The following DMXL1 variants were observed in gnomAD, a reference collection of about 807,000 sequenced individuals.
The protein encoded by DMXL1 is Dmx like 1.
In DMXL1, 99 loss-of-function variants were observed where a neutral mutation model predicts 319.2. The ratio of observed to expected loss-of-function variants is 0.31; its 90% CI spans 0.26 to 0.37. The LOEUF is 0.37. Ranked by LOEUF, DMXL1 falls within the 10% of genes least tolerant of loss-of-function variation. The pLI is 1.00. For synonymous variants in DMXL1, 1,385 were observed against 1,235.2 expected, an observed-to-expected ratio of 1.12 and a Z score of -2.54; for missense variants, 3,745 against 3,595.6, an observed-to-expected ratio of 1.04 and a Z score of -1.06.
intron 31 of DMXL1, 85 bp downstream of exon 31, chr5:119,196,541 G>A: frequency 2.2e-6 from 2 of 890,122 alleles, no homozygotes; most frequent in African/African-American, 1.7e-5. Flanking sequence ...TTTTGGTCTG[G>A]ACTGGGGGGA....
intron 7 of DMXL1, among the ~76,000 whole-genome samples, 190 bp downstream of exon 7, chr5:119,116,526 A>G (rs1760882841): frequency 6.6e-6 from 1 of 152,212 alleles, no homozygotes; most frequent in African/African-American, 2.4e-5. Flanking sequence ...TTAGGATAAG[A>G]GCCGTATTAA....
intron 9 of DMXL1, among the ~76,000 whole-genome samples, chr5:119,125,755 G>C (rs1001637805): frequency 5.9e-5 from 9 of 151,958 alleles, no homozygotes; most frequent in African/African-American, 1.9e-4. Flanking sequence ...TAATAAAGGC[G>C]GGGTTTCACC....
At chr5:119,137,596 G>A (rs891114883) in intron 13 of DMXL1, among the ~76,000 whole-genome samples, 2 of 152,206 alleles carry the variant, frequency 1.3e-5, no homozygotes, top group African/African-American at 4.8e-5. Context: ...TAGGAACATG[G>A]TGGCCATTTC....
chr5:119,247,069 T>C lies in DMXL1; in HGVS notation c.8997T>C (p.Asn2999=), dbSNP rs1289884470. Residue 2999 remains asparagine (N), a synonymous_variant, in exon 44 of 44, where the codon AAT becomes AAC. Coordinates refer to ENST00000539542, the MANE Select transcript of DMXL1 (RefSeq NM_001290321.3). The part of the protein sequence containing the change: ...SEHARQSIFR[N]IGTGVMQIET... The stretch of plus-strand genomic sequence containing the variant: ...ATGCTCGGCAGTCCATTTTTAGAAA[T>C]ATTGGAACTGGAGTGATGCAAATTG... The C allele has an allele frequency of 2.5e-6, 4 of 1,614,030 alleles. No homozygotes were observed. The African/African-American group carries it at 4.0e-5, about 16-fold the overall frequency.
chr5:119,144,513 C>A, intron 14 of DMXL1, 23 bp from the exon 15 acceptor site: 3 of 1,493,448 alleles, frequency 2.0e-6, no homozygotes, highest in Non-Finnish European at 1.8e-6. Flanking sequence ...GGTCAACTTA[C>A]GTTGATATTT....
chr5:119,167,314 A>G (rs1399704495), intron 22 of DMXL1, among the ~76,000 whole-genome samples: 3 of 152,142 alleles, frequency 2.0e-5, no homozygotes, highest in Admixed American at 6.5e-5. Flanking sequence ...ATAAAATAAT[A>G]TAGCTTAAAT....
intron 28 of DMXL1, among the ~76,000 whole-genome samples, chr5:119,188,321 C>T (rs1294819528): frequency 6.6e-6 from 1 of 152,100 alleles, no homozygotes. Flanking sequence ...GTAGTCCCAG[C>T]TACTCAGGCG....
At chr5:119,184,475 AT>A (rs1025954393) in intron 28 of DMXL1, among the ~76,000 whole-genome samples, 3 of 152,126 alleles carry the variant, frequency 2.0e-5, no homozygotes, top group Admixed American at 6.5e-5. Context: ...GCTTGAATAT[AT>A]TTTTTCCATT....
Position 119,170,532 on chromosome 5 carries a change from C to T in DMXL1, c.5741C>T (p.Ala1914Val). The T allele has an allele frequency of 6.2e-7, 1 of 1,613,664 alleles. No individual in the cohort carries two copies. The highest frequency in any genetic ancestry group is 8.5e-7 in the Non-Finnish European group (1 of 1,179,790). The part of the protein sequence containing the change: ...CSPSSPLKLD[A>V]REDKSSAVDW... ...CCTTCTTCTCCATTAAAGTTGGATG[C>T]AAGGGAAGATAAGTCTTCTGCTGTT... Residue 1914 changes from alanine (A) to valine (V), a missense_variant, in exon 24 of 44, where the codon GCA becomes GTA. Physicochemically the swap from Ala to Val is moderately conservative, Grantham distance 64 (BLOSUM62 0). This residue lies in a region of DMXL1 where 1,382 missense variants were observed against 1,269.5 expected (regional missense o/e 1.09). Transcript: ENST00000539542.
intron 9 of DMXL1, among the ~76,000 whole-genome samples, chr5:119,123,564 G>A (rs1762794243): frequency 6.6e-6 from 1 of 152,320 alleles, no homozygotes; most frequent in Non-Finnish European, 1.5e-5. Flanking sequence ...TTAGGATCTT[G>A]ATAAGGCATT....
intron 19 of DMXL1, among the ~76,000 whole-genome samples, chr5:119,157,629 A>G (rs1771397179): frequency 1.3e-5 from 2 of 152,160 alleles, no homozygotes; most frequent in South Asian, 2.1e-4. Flanking sequence ...TCAATTGAGT[A>G]TAAATGTATG....
At chr5:119,128,993 G>C (rs1331919797) in intron 9 of DMXL1, among the ~76,000 whole-genome samples, 2 of 152,090 alleles carry the variant, frequency 1.3e-5, no homozygotes, top group Non-Finnish European at 2.9e-5. Context: ...GAACCAGGGA[G>C]TTTGCAGTAA....
chr5:119,216,084 G>C (rs1783633828), intron 34 of DMXL1, among the ~76,000 whole-genome samples: 2 of 92,388 alleles, frequency 2.2e-5, no homozygotes, highest in Admixed American at 1.9e-4. Context: ...GGCGACAAGA[G>C]CATCCATCTC....
chr5:119,237,812 G>A (rs981772137), intron 40 of DMXL1, among the ~76,000 whole-genome samples: 25 of 151,988 alleles, frequency 1.6e-4, no homozygotes, highest in African/African-American at 6.0e-4. Context: ...ACATCCTATA[G>A]CTGGTACTGT....
intron 30 of DMXL1, 101 bp downstream of exon 30, chr5:119,194,071 A>G (rs1193904117): frequency 9.4e-6 from 7 of 743,638 alleles, no homozygotes; most frequent in Non-Finnish European, 1.4e-5. Context: ...TGTTGACTTT[A>G]TAACACATTA....
intron 3 of DMXL1, among the ~76,000 whole-genome samples, chr5:119,103,963 T>C (rs1451813035): frequency 6.6e-6 from 1 of 152,202 alleles, no homozygotes; most frequent in Admixed American, 6.5e-5. Context: ...GCACTGACTT[T>C]GCAGAAAGGA....
At chr5:119,202,903 A>ATATATT (rs1781069851) in intron 32 of DMXL1, among the ~76,000 whole-genome samples, 1 of 144,272 alleles carries the variant, frequency 6.9e-6, no homozygotes, top group African/African-American at 2.5e-5. Flanking sequence ...ATATATATAT[A>ATATATT]TATTTATATA....
At chr5:119,138,588 C>T (rs190515458) in intron 13 of DMXL1, among the ~76,000 whole-genome samples, 1 of 152,278 alleles carries the variant, frequency 6.6e-6, no homozygotes, top group African/African-American at 2.4e-5. Context: ...CCTGTAGTCC[C>T]AGCACTTTTG....
intron 1 of DMXL1, among the ~76,000 whole-genome samples, chr5:119,089,715 T>A (rs1419857457): frequency 1.4e-5 from 2 of 148,058 alleles, no homozygotes; most frequent in African/African-American, 5.0e-5. Context: ...AACCTCCACC[T>A]CCTGGGTTCA....
Sources: gnomAD v4.1 joint callset for allele counts (sites outside exome capture counted in the v4.1 genomes callset) on GRCh38, gnomAD v4.1.1 for gene constraint, gnomAD v4.1.1 regional missense constraint, MANE v1.5 for transcripts, NCBI Gene and HGNC (gene_info 2026-07-23, HGNC 2026-07-21) for gene names.